FAM193A: variants seen among roughly 807,000 people sequenced by gnomAD.
FAM193A encodes family with sequence similarity 193 member A, also known as protein FAM193A.
FAM193A carries 22 observed loss-of-function variants against 126.5 expected under a neutral mutation model. That is an observed-to-expected ratio of 0.17 (90% CI 0.12 to 0.25). The LOEUF is 0.25. Ranked by LOEUF, FAM193A falls within the 10% of genes least tolerant of loss-of-function variation. The pLI is 1.00. For synonymous variants in FAM193A, 761 were observed against 646.8 expected (o/e 1.18, Z -2.68); for missense variants, 1,675 against 1,672.8 (o/e 1.00, Z -0.02).
At chr4:2,654,378 A>ATGT (rs1745963348) in intron 7 of FAM193A, 1 of 114,588 alleles carries the variant, frequency 8.7e-6, no homozygotes, top group Non-Finnish European at 1.7e-5. Flanking sequence ...TGCCTGGCTA[A>ATGT]TTTTTTTTTT....
chr4:2,719,107 T>C (rs1252333661), intron 20 of FAM193A, among the ~76,000 whole-genome samples: 1 of 152,182 alleles, frequency 6.6e-6, no homozygotes, highest in Non-Finnish European at 1.5e-5. Context: ...AAAATTCTGA[T>C]ACCAAAATCT....
At chr4:2,619,634 G>A (rs2108962464) in intron 2 of FAM193A, among the ~76,000 whole-genome samples, 1 of 152,132 alleles carries the variant, frequency 6.6e-6, no homozygotes, top group Admixed American at 6.5e-5. Flanking sequence ...CTCCCAAAGT[G>A]CTGGGATAAT....
At chr4:2,548,498 C>T (rs971724446) in intron 1 of FAM193A, among the ~76,000 whole-genome samples, 6 of 152,218 alleles carry the variant, frequency 3.9e-5, no homozygotes, top group African/African-American at 1.2e-4. Context: ...ATTCCGTCAC[C>T]CAGGCTGGAG....
chr4:2,653,479 C>G (rs141860088), intron 7 of FAM193A, among the ~76,000 whole-genome samples: 274 of 152,252 alleles, frequency 1.8e-3, no homozygotes, highest in African/African-American at 6.0e-3. Context: ...GAGTCTCTCT[C>G]TGTCACCAGG....
At chr4:2,579,057 C>T (rs1318530226) in intron 1 of FAM193A, among the ~76,000 whole-genome samples, 1 of 151,956 alleles carries the variant, frequency 6.6e-6, no homozygotes, top group Non-Finnish European at 1.5e-5. Context: ...GGGGGTCTTG[C>T]TTTTGTTGCC....
At chr4:2,721,941 A>G (rs1720211050) in intron 20 of FAM193A, among the ~76,000 whole-genome samples, 1 of 152,180 alleles carries the variant, frequency 6.6e-6, no homozygotes, top group Non-Finnish European at 1.5e-5. Context: ...CAGACATAAC[A>G]TTGAGTGAAA....
intron 4 of FAM193A, among the ~76,000 whole-genome samples, chr4:2,628,969 C>CA (rs1454285102): frequency 6.6e-6 from 1 of 151,900 alleles, no homozygotes; most frequent in Non-Finnish European, 1.5e-5. Flanking sequence ...TCTCCTGCCT[C>CA]AGCCTCGCGA....
chr4:2,656,258 C>A (rs1711665858), intron 7 of FAM193A, among the ~76,000 whole-genome samples: 1 of 152,142 alleles, frequency 6.6e-6, no homozygotes, highest in African/African-American at 2.4e-5. Context: ...TTTGATAGAA[C>A]CTACCGTAAA....
intron 2 of FAM193A, among the ~76,000 whole-genome samples, chr4:2,613,628 T>G (rs1742011337): frequency 6.6e-6 from 1 of 151,968 alleles, no homozygotes; most frequent in Non-Finnish European, 1.5e-5. Flanking sequence ...TAATTTTGTA[T>G]TTTTAGTATA....
chr4:2,566,547 A>G (rs372701228), intron 1 of FAM193A, among the ~76,000 whole-genome samples: 1 of 151,934 alleles, frequency 6.6e-6, no homozygotes, highest in East Asian at 1.9e-4. Flanking sequence ...AATTAGCTGG[A>G]CGTGGTGGTG....
chr4:2,720,911 T>G (rs1342569244), intron 20 of FAM193A, among the ~76,000 whole-genome samples: 1 of 152,176 alleles, frequency 6.6e-6, no homozygotes, highest in Non-Finnish European at 1.5e-5. Flanking sequence ...TAGTGGCTCA[T>G]GCCTGTAATC....
At chr4:2,672,432 A>C in intron 13 of FAM193A, 60 bp downstream of exon 13, 3 of 1,576,680 alleles carry the variant, frequency 1.9e-6, no homozygotes, top group Admixed American at 1.7e-5. Context: ...ACAGGAGTAC[A>C]TAGTCAAACA....
At chr4:2,623,990 A>ACCTGAGC (rs1742721736) in intron 2 of FAM193A, among the ~76,000 whole-genome samples, 1 of 152,006 alleles carries the variant, frequency 6.6e-6, no homozygotes, top group African/African-American at 2.4e-5. Flanking sequence ...CAGCTCTGAG[A>ACCTGAGC]CCTGAGCCCT....
chr4:2,699,659 G>A, intron 18 of FAM193A, 21 bp from the exon 19 acceptor site: 2 of 1,574,506 alleles, frequency 1.3e-6, no homozygotes, highest in Non-Finnish European at 1.7e-6. Context: ...GTCTTAAATT[G>A]CCTTCTTTTT....
At chr4:2,689,071 G>T (rs568962409) in intron 13 of FAM193A, among the ~76,000 whole-genome samples, 6 of 152,236 alleles carry the variant, frequency 3.9e-5, no homozygotes, top group Admixed American at 2.0e-4. Flanking sequence ...GCTGTACCTT[G>T]CCTGGGTATA....
intron 7 of FAM193A, among the ~76,000 whole-genome samples, chr4:2,647,199 G>T (rs1745237545): frequency 6.6e-6 from 1 of 151,992 alleles, no homozygotes; most frequent in Non-Finnish European, 1.5e-5. Context: ...AGGCTGGAGT[G>T]CAATGGTGAG....
intron 19 of FAM193A, among the ~76,000 whole-genome samples, chr4:2,704,292 A>G (rs1718068155): frequency 6.6e-6 from 1 of 151,410 alleles, no homozygotes; most frequent in South Asian, 2.1e-4. Context: ...AAGGCTGGGC[A>G]TGGTGGCTCA....
intron 16 of FAM193A, among the ~76,000 whole-genome samples, chr4:2,694,238 A>G (rs1481573989): frequency 6.6e-6 from 1 of 152,146 alleles, no homozygotes; most frequent in African/African-American, 2.4e-5. Flanking sequence ...AAAACACAAT[A>G]CAACAAACAC....
At chr4:2,620,836 C>CAAAAAAAAAAA (rs34305537) in intron 2 of FAM193A, among the ~76,000 whole-genome samples, 12 of 69,092 alleles carry the variant, frequency 1.7e-4, no homozygotes, top group African/African-American at 3.0e-4. Flanking sequence ...AACTCCGTCT[C>CAAAAAAAAAAA]AAAAAAAAAA....
Sources: allele counts gnomAD v4.1 joint callset (sites outside exome capture counted in the v4.1 genomes callset), GRCh38; gene constraint gnomAD v4.1.1; transcripts MANE v1.5; gene names NCBI Gene and HGNC (gene_info 2026-07-23, HGNC 2026-07-21).